Variants in VKORC1L1 observed in about 807,000 individuals in gnomAD.
The protein encoded by VKORC1L1 is vitamin K epoxide reductase complex subunit 1L1, also known as vitamin K epoxide reductase complex subunit 1-like protein 1.
Under a neutral mutation model 18.9 loss-of-function variants are expected in VKORC1L1, and 2 were observed. That is an observed-to-expected ratio of 0.11 (90% CI 0.04 to 0.33). The LOEUF is 0.33. Among genes scored for constraint, VKORC1L1 ranks in the 10% least tolerant of loss-of-function variants. VKORC1L1 has a pLI of 1.00. For missense variants in VKORC1L1, 123 were observed against 224.1 expected, an observed-to-expected ratio of 0.55 and a Z score of 2.88; for synonymous variants, 96 against 100.0, an observed-to-expected ratio of 0.96 and a Z score of 0.24.
At chr7:65,911,827 T>G (rs181279154) in intron 1 of VKORC1L1, among the ~76,000 whole-genome samples, 2 of 152,348 alleles carry the variant, frequency 1.3e-5, no homozygotes, top group Admixed American at 1.3e-4. Context: ...GTTTGTGGTT[T>G]TGCTCTGATA....
At chr7:65,939,434 C>G (rs917638470) in intron 1 of VKORC1L1, among the ~76,000 whole-genome samples, 1 of 152,112 alleles carries the variant, frequency 6.6e-6, no homozygotes, top group Non-Finnish European at 1.5e-5. Context: ...GTGGGGATGG[C>G]TATCATGGAT....
intron 1 of VKORC1L1, among the ~76,000 whole-genome samples, chr7:65,879,812 T>C (rs1361187659): frequency 6.6e-6 from 1 of 151,752 alleles, no homozygotes; most frequent in Admixed American, 6.6e-5. Flanking sequence ...TTTCCTTTTC[T>C]TTTTCTTTCC....
At chr7:65,916,026 G>A (rs942096457) in intron 1 of VKORC1L1, among the ~76,000 whole-genome samples, 10 of 150,814 alleles carry the variant, frequency 6.6e-5, no homozygotes, top group African/African-American at 1.7e-4. Context: ...CGGGAGAATC[G>A]CTTGAACCCA....
Position 65,922,075 on chromosome 7 carries a change from C to T in VKORC1L1, c.195-26596C>T, listed in dbSNP as rs1190257791. 7.9e-5 allele frequency among the ~76,000 whole-genome samples: 12 copies of T among 152,198 alleles called. No individual in the cohort carries two copies. In the East Asian group the frequency reaches 1.9e-3, roughly 25 times the overall value. ...TAGTTGTATCACTTTTCTGTCAGTG[C>T]GTGGACCTTTGGATATTTAGGCTTC... On this transcript the variant is annotated intron_variant, in intron 1 of 2. Transcript: ENST00000360768.
At chr7:65,894,672 G>T (rs1414879477) in intron 1 of VKORC1L1, among the ~76,000 whole-genome samples, 1 of 152,208 alleles carries the variant, frequency 6.6e-6, no homozygotes. Flanking sequence ...AGGTTGCAGT[G>T]AGCCGAGATC....
At chr7:65,920,733 C>T (rs1194002870) in intron 1 of VKORC1L1, among the ~76,000 whole-genome samples, 3 of 151,624 alleles carry the variant, frequency 2.0e-5, no homozygotes, top group Admixed American at 6.6e-5. Flanking sequence ...CGGTGGTATG[C>T]GCCTGCAGTC....
intron 1 of VKORC1L1, among the ~76,000 whole-genome samples, chr7:65,919,705 A>G (rs1460392240): frequency 6.6e-6 from 1 of 152,026 alleles, no homozygotes; most frequent in Non-Finnish European, 1.5e-5. Context: ...GTTTATTTCC[A>G]TCCTTCTTCC....
intron 1 of VKORC1L1, among the ~76,000 whole-genome samples, chr7:65,880,399 G>A (rs893471034): frequency 1.3e-5 from 2 of 152,140 alleles, no homozygotes; most frequent in Non-Finnish European, 2.9e-5. Context: ...GTGTGAGGAC[G>A]TGGTTTGTCA....
intron 1 of VKORC1L1, among the ~76,000 whole-genome samples, chr7:65,936,711 T>C (rs1333136452): frequency 6.6e-6 from 1 of 152,176 alleles, no homozygotes; most frequent in Non-Finnish European, 1.5e-5. Context: ...GGGATTCCCT[T>C]CTCTGGTCCT....
chr7:65,910,605 C>G (rs1366585490), intron 1 of VKORC1L1, among the ~76,000 whole-genome samples: 1 of 151,952 alleles, frequency 6.6e-6, no homozygotes, highest in Non-Finnish European at 1.5e-5. Context: ...TTCACATCAC[C>G]ATCATCTTTG....
chr7:65,900,715 G>C (rs1789301022), intron 1 of VKORC1L1, among the ~76,000 whole-genome samples: 1 of 152,152 alleles, frequency 6.6e-6, no homozygotes, highest in South Asian at 2.1e-4. Context: ...TAAGGCATGA[G>C]AATCGCTTGA....
chr7:65,901,474 A>G (rs757686630), intron 1 of VKORC1L1, among the ~76,000 whole-genome samples: 13 of 152,224 alleles, frequency 8.5e-5, no homozygotes, highest in Non-Finnish European at 1.5e-4. Context: ...TTAAGCAACA[A>G]TATATGAAAT....
intron 1 of VKORC1L1, among the ~76,000 whole-genome samples, chr7:65,916,537 AATTAGAAG>A (rs1419811432): frequency 2.6e-5 from 4 of 152,114 alleles, no homozygotes; most frequent in African/African-American, 9.7e-5. Flanking sequence ...GGGGAAATGG[AATTAGAAG>A]ATCACAACCT....
At chr7:65,892,427 C>T (rs550647132) in intron 1 of VKORC1L1, among the ~76,000 whole-genome samples, 4 of 152,292 alleles carry the variant, frequency 2.6e-5, no homozygotes, top group Non-Finnish European at 5.9e-5. Flanking sequence ...TTTTCCACAT[C>T]CTCACCATCA....
intron 1 of VKORC1L1, among the ~76,000 whole-genome samples, chr7:65,888,079 G>T (rs1335773227): frequency 1.3e-5 from 2 of 152,054 alleles, no homozygotes; most frequent in African/African-American, 2.4e-5. Flanking sequence ...AGGTAAACCC[G>T]CCCCTGTGTG....
chr7:65,906,035 C>G (rs1238825195), intron 1 of VKORC1L1, among the ~76,000 whole-genome samples: 1 of 151,992 alleles, frequency 6.6e-6, no homozygotes, highest in Non-Finnish European at 1.5e-5. Context: ...TCTTTGGTTA[C>G]TGCTTCAGCT....
chr7:65,887,324 T>A (rs1369099328), intron 1 of VKORC1L1, among the ~76,000 whole-genome samples: 1 of 151,948 alleles, frequency 6.6e-6, no homozygotes, highest in Non-Finnish European at 1.5e-5. Context: ...TGATCTATAT[T>A]AGATAAATAC....
At chr7:65,903,305 T>G (rs1432434319) in intron 1 of VKORC1L1, among the ~76,000 whole-genome samples, 1 of 152,056 alleles carries the variant, frequency 6.6e-6, no homozygotes, top group Non-Finnish European at 1.5e-5. Context: ...TAGCTGTGAT[T>G]ACAGGCGCAT....
At chr7:65,922,276 CTTT>C (rs1430884665) in intron 1 of VKORC1L1, among the ~76,000 whole-genome samples, 2 of 143,096 alleles carry the variant, frequency 1.4e-5, no homozygotes, top group Non-Finnish European at 1.5e-5. Context: ...GATCATGTTC[CTTT>C]TTTTTTTTTT....
Sources: gnomAD v4.1 joint callset for allele counts (sites outside exome capture counted in the v4.1 genomes callset) on GRCh38, gnomAD v4.1.1 for gene constraint, MANE v1.5 for transcripts, NCBI Gene and HGNC (gene_info 2026-07-23, HGNC 2026-07-21) for gene names.